The following ST8SIA4 variants were observed in gnomAD, a reference collection of about 807,000 sequenced individuals.
ST8SIA4 encodes the protein CMP-N-acetylneuraminate-poly-alpha-2,8-sialyltransferase.
A neutral mutation model predicts 33.9 loss-of-function variants in ST8SIA4; 15 were observed. That is an observed-to-expected ratio of 0.44 (90% CI 0.30 to 0.68). ST8SIA4 has a LOEUF of 0.68. ST8SIA4 is among the 30% of genes least tolerant of loss of function. The pLI is 0.10. For missense variants in ST8SIA4, 321 were observed against 428.0 expected (o/e 0.75, Z 2.21); for synonymous variants, 171 against 151.2 (o/e 1.13, Z -0.96).
At chr5:100,885,373 G>C (rs892255496) in intron 3 of ST8SIA4, 2 of 964,484 alleles carry the variant, frequency 2.1e-6, no homozygotes, top group Non-Finnish European at 2.5e-6. Context: ...TAATGCTTGA[G>C]TGTGATTTCT....
At chr5:100,901,242 A>T (rs1351053443) in intron 1 of ST8SIA4, among the ~76,000 whole-genome samples, 2 of 151,562 alleles carry the variant, frequency 1.3e-5, no homozygotes, top group Non-Finnish European at 2.9e-5. Context: ...CCCTCTTCTC[A>T]CTCGCTCCGC....
intron 3 of ST8SIA4, among the ~76,000 whole-genome samples, chr5:100,864,860 TATTTA>T (rs1285030485): frequency 6.6e-6 from 1 of 152,238 alleles, no homozygotes; most frequent in Non-Finnish European, 1.5e-5. Context: ...TAATGTTTAT[TATTTA>T]ATTTGACTAC....
intron 4 of ST8SIA4, among the ~76,000 whole-genome samples, chr5:100,828,471 T>C (rs1157724054): frequency 6.6e-6 from 1 of 152,112 alleles, no homozygotes. Flanking sequence ...TCTTTGAAAA[T>C]CCCTCAAAGT....
intron 4 of ST8SIA4, among the ~76,000 whole-genome samples, chr5:100,837,368 T>G (rs563079057): frequency 6.6e-6 from 1 of 152,126 alleles, no homozygotes; most frequent in South Asian, 2.1e-4. Flanking sequence ...GCAATTGCAT[T>G]GGCCAATCTA....
intron 4 of ST8SIA4, among the ~76,000 whole-genome samples, chr5:100,824,626 C>T (rs1190187609): frequency 2.0e-5 from 3 of 151,870 alleles, no homozygotes; most frequent in Admixed American, 2.0e-4. Context: ...TGTTATATAT[C>T]TCTAAGGAAT....
intron 3 of ST8SIA4, among the ~76,000 whole-genome samples, chr5:100,878,055 T>C (rs1435112396): frequency 6.6e-6 from 1 of 152,182 alleles, no homozygotes; most frequent in African/African-American, 2.4e-5. Flanking sequence ...TTGCCAGACA[T>C]AGCACCTCAT....
chr5:100,866,084 GAA>G (rs1752054806), intron 3 of ST8SIA4, among the ~76,000 whole-genome samples: 1 of 152,100 alleles, frequency 6.6e-6, no homozygotes, highest in African/African-American at 2.4e-5. Context: ...TCAGAATTAA[GAA>G]CCAAACCTTA....
In ST8SIA4 at chr5:100,810,016, C is replaced by G. The variant is rs184715869; in HGVS notation, c.*1831G>C. On this transcript the variant is annotated 3_prime_UTR_variant, in exon 5 of 5. Coordinates refer to ENST00000231461, the MANE Select transcript of ST8SIA4 (RefSeq NM_005668.6). ...TTATTCATTTCTCAGACTGTTTTCC[C>G]TAAGAAACAAAACATATATATTCCC... 170 of 152,094 alleles carry G rather than the reference C, an allele frequency of 1.1e-3. 1 individual carries two copies. The highest frequency in any genetic ancestry group is 4.0e-3 in the African/African-American group (164 of 41,490). 9.4% of individuals were successfully genotyped at this position (152,094 alleles called of 1,614,324 possible). A position where few individuals can be genotyped will look rare whatever the true frequency, so the allele number is the denominator to read the frequency against.
intron 1 of ST8SIA4, chr5:100,900,268 C>G (rs575159666): frequency 2.5e-5 from 9 of 363,118 alleles, no homozygotes; most frequent in African/African-American, 1.5e-4. Context: ...GCTGCCAAGC[C>G]ACAAGGCTCG....
chr5:100,895,298 A>G (rs2112482356), intron 2 of ST8SIA4, among the ~76,000 whole-genome samples: 1 of 152,220 alleles, frequency 6.6e-6, no homozygotes, highest in Non-Finnish European at 1.5e-5. Flanking sequence ...GAGAAAACCC[A>G]AAAGCAGAAT....
At chr5:100,836,965 AAGTCTAGGG>A in intron 4 of ST8SIA4, among the ~76,000 whole-genome samples, 1 of 150,734 alleles carries the variant, frequency 6.6e-6, no homozygotes, top group Non-Finnish European at 1.5e-5. Context: ...ACTCTAAAGG[AAGTCTAGGG>A]AATTTTCTCA....
In ST8SIA4 at chr5:100,808,184, T is replaced by A. The variant is rs1750733103; in HGVS notation, c.*3663A>T. On this transcript the variant is annotated 3_prime_UTR_variant, in exon 5 of 5. Coordinates refer to ENST00000231461, the MANE Select transcript of ST8SIA4 (RefSeq NM_005668.6). ...AATAAATTAATTTGTTCATCCTTTT[T>A]CTGTATAGTAGCTGAATAACTAATT... The A allele has an allele frequency of 6.6e-6, 1 of 152,630 alleles. No homozygotes were observed. Among genetic ancestry groups the A allele is most frequent in the Admixed American group, 6.5e-5 (1 of 15,286 alleles). 9.5% of individuals were successfully genotyped at this position (152,630 alleles called of 1,614,324 possible).
At chr5:100,838,544 T>C (rs759759110) in intron 4 of ST8SIA4, among the ~76,000 whole-genome samples, 5 of 151,922 alleles carry the variant, frequency 3.3e-5, no homozygotes, top group Non-Finnish European at 5.9e-5. Context: ...AGAAGTAATA[T>C]GTAAATTATG....
intron 4 of ST8SIA4, among the ~76,000 whole-genome samples, chr5:100,826,090 G>A (rs1308622003): frequency 2.6e-5 from 4 of 151,036 alleles, no homozygotes; most frequent in African/African-American, 9.7e-5. Flanking sequence ...TAGAAACACA[G>A]GCAACCTGAT....
intron 2 of ST8SIA4, among the ~76,000 whole-genome samples, chr5:100,889,702 T>C (rs1199073670): frequency 2.0e-5 from 3 of 152,062 alleles, no homozygotes; most frequent in South Asian, 2.1e-4. Context: ...AAAAGGGAAC[T>C]ATAAGAGTTA....
At chr5:100,891,843 G>A (rs1481908849) in intron 2 of ST8SIA4, among the ~76,000 whole-genome samples, 2 of 152,008 alleles carry the variant, frequency 1.3e-5, no homozygotes, top group Non-Finnish European at 2.9e-5. Context: ...TAAGCTTTGT[G>A]ACCCAAGATT....
Position 100,903,126 on chromosome 5 carries a change from T to C in ST8SIA4, c.-171A>G. Reference sequence around the variant, plus strand: ...GGGTCTTCTGTGGCCGAGCTCCCTCTGGTCCTCGAACGCTGCCCAGCGACC... The same window carrying C: ...GGGTCTTCTGTGGCCGAGCTCCCTCCGGTCCTCGAACGCTGCCCAGCGACC... On this transcript the variant is annotated 5_prime_UTR_variant, in exon 1 of 5. Coordinates refer to ENST00000231461, the MANE Select transcript of ST8SIA4 (RefSeq NM_005668.6). 1 of 598,750 alleles carries C rather than the reference T, an allele frequency of 1.7e-6. No homozygotes were observed. The highest frequency in any genetic ancestry group is 3.0e-6 in the Non-Finnish European group (1 of 338,128). The allele number at this position is 598,750 out of a possible 1,614,324, so 37.1% of individuals were successfully genotyped here.
intron 3 of ST8SIA4, 123 bp from the exon 4 acceptor site, chr5:100,856,519 A>C (rs996150536): frequency 1.8e-5 from 16 of 889,536 alleles, no homozygotes; most frequent in Non-Finnish European, 2.4e-5. Context: ...GAAAACCAAA[A>C]GATCATCTAC....
chr5:100,895,900 C>T, intron 1 of ST8SIA4, 115 bp from the exon 2 acceptor site: 2 of 1,146,214 alleles, frequency 1.7e-6, no homozygotes, highest in Non-Finnish European at 2.4e-6. Flanking sequence ...TTTTCCCCTA[C>T]AAGTTAGAAG....
Sources: allele counts gnomAD v4.1 joint callset (sites outside exome capture counted in the v4.1 genomes callset), GRCh38; gene constraint gnomAD v4.1.1; transcripts MANE v1.5; gene names NCBI Gene and HGNC (gene_info 2026-07-23, HGNC 2026-07-21).